The following CELSR1 variants were observed in gnomAD, a reference collection of about 807,000 sequenced individuals.
The protein encoded by CELSR1 is cadherin EGF LAG seven-pass G-type receptor 1, also known as adhesion G protein-coupled receptor C1.
CELSR1 carries 110 observed loss-of-function variants against 249.1 expected under a neutral mutation model. The observed-to-expected ratio is 0.44, with a 90% confidence interval of 0.38 to 0.52. The LOEUF (loss-of-function observed/expected upper bound fraction) is 0.52, where lower values mean the gene tolerates loss of function less well. Among genes scored for constraint, CELSR1 ranks in the 20% least tolerant of loss-of-function variants. The pLI, the probability that CELSR1 is intolerant of heterozygous loss-of-function variation, is 0.00. For missense variants in CELSR1, 4,109 were observed against 4,296.4 expected (o/e 0.96, Z 1.22); for synonymous variants, 2,113 against 1,900.0 (o/e 1.11, Z -2.92).
At chr22:46,507,125 G>A (rs1302181230) in intron 1 of CELSR1, among the ~76,000 whole-genome samples, 1 of 152,196 alleles carries the variant, frequency 6.6e-6, no homozygotes, top group African/African-American at 2.4e-5. Context: ...GGCGGAGGTT[G>A]CAGTGAGCTG....
chr22:46,466,564 A>G (rs999770589), intron 1 of CELSR1, among the ~76,000 whole-genome samples: 4 of 152,200 alleles, frequency 2.6e-5, no homozygotes, highest in Non-Finnish European at 5.9e-5. Context: ...GACACCACAG[A>G]GCAGAGACCA....
At chr22:46,522,100 A>C (rs577904016) in intron 1 of CELSR1, among the ~76,000 whole-genome samples, 42 of 152,120 alleles carry the variant, frequency 2.8e-4, no homozygotes, top group Admixed American at 2.7e-3. Flanking sequence ...GTGTCAGTCA[A>C]CTCACTGGCA....
rs374931797 is a variant in CELSR1 at position 46,459,932 on chromosome 22, C to A, written c.4183+3775G>T. Among the ~76,000 whole-genome samples, 60 of 152,290 alleles carry A rather than the reference C, an allele frequency of 3.9e-4. No individual in the cohort carries two copies. In the South Asian group the frequency reaches 7.5e-3, roughly 19 times the overall value. On this transcript the variant is annotated intron_variant, in intron 2 of 34. Transcript: ENST00000674500. ...AAACATTAGCTACAATCCGGCCAGGCGTAGTGGCTCACGCCTGTAAACCCA... is the reference window on the plus strand; with the variant it reads ...AAACATTAGCTACAATCCGGCCAGGAGTAGTGGCTCACGCCTGTAAACCCA...
At position 46,488,746 on chromosome 22, in the gene CELSR1, A is replaced by G. The variant is rs1054363073; in HGVS notation, c.3545-24401T>C. On this transcript the variant is annotated intron_variant, in intron 1 of 34. Transcript: ENST00000674500. The surrounding 1 kb of genome is among the most constrained non-coding windows in gnomAD (Gnocchi z 4.7). ...GTGATCTCGGCTCACTGCAAGCTCC[A>G]CCTCCCAGGTTCATGCCATTCTCCT... is the stretch of plus-strand genomic sequence containing the variant. Among the ~76,000 whole-genome samples the G allele has an allele frequency of 1.4e-5, 2 of 147,970 alleles. No individual in the cohort carries two copies. Among genetic ancestry groups the G allele is most frequent in the Non-Finnish European group, 3.0e-5 (2 of 67,196 alleles).
Position 46,361,180 on chromosome 22 carries a change from T to C in CELSR1, c.*2043A>G, listed in dbSNP as rs557982194. ...AAAACCAGCACCGCAGAAGTACAAA[T>C]TCAAAAATCTTAATTTATTGTAGAC... On this transcript the variant is annotated 3_prime_UTR_variant, in exon 35 of 35. Coordinates refer to ENST00000674500, the MANE Select transcript of CELSR1 (RefSeq NM_001378328.1). 2 of 152,658 alleles carry C rather than the reference T, an allele frequency of 1.3e-5. No homozygotes were observed. Among genetic ancestry groups the C allele is most frequent in the South Asian group, 4.1e-4 (2 of 4,834 alleles). The allele number at this position is 152,658 out of a possible 1,614,324, so 9.5% of individuals were successfully genotyped here. A position where few individuals can be genotyped will look rare whatever the true frequency, so the allele number is the denominator to read the frequency against.
In CELSR1 at chr22:46,386,579, T is replaced by C. The variant is rs1402034200; in HGVS notation, c.6562A>G (p.Ile2188Val). ...GCCAGGAGGGCGCTGCCCGAGTGGA[T>C]GACGTCCTGGTCAGACAGACAGCAC... ...TQDADFHEDV[I>V]HSGSALLAPA... Residue 2188 changes from isoleucine (I) to valine (V), a missense_variant, in exon 19 of 35, where the codon ATC becomes GTC. This residue lies in a region of CELSR1 where 1,805 missense variants were observed against 1,831.6 expected (regional missense o/e 0.99). Coordinates refer to ENST00000674500, the MANE Select transcript of CELSR1 (RefSeq NM_001378328.1). The C allele has an allele frequency of 1.3e-6, 2 of 1,592,340 alleles. No homozygotes were observed. The highest frequency in any genetic ancestry group is 1.1e-5 in the South Asian group (1 of 88,862).
intron 2 of CELSR1, among the ~76,000 whole-genome samples, chr22:46,452,114 T>C (rs1236081849): frequency 6.6e-6 from 1 of 152,084 alleles, no homozygotes; most frequent in Non-Finnish European, 1.5e-5. Flanking sequence ...GGCATGTCTG[T>C]TATTTTCAGC....
At position 46,466,552 on chromosome 22, in the gene CELSR1, C is replaced by T. The variant is rs1043947709; in HGVS notation, c.3545-2207G>A. 7.9e-5 allele frequency among the ~76,000 whole-genome samples: 12 copies of T among 152,184 alleles called. No individual in the cohort carries two copies. The South Asian group carries it at 1.9e-3, about 24-fold the overall frequency. ...GACTCAAGCCACCCCAGGGAGGACCCGGACACCACAGAGCAGAGACCAGCC... is the reference window on the plus strand; with the variant it reads ...GACTCAAGCCACCCCAGGGAGGACCTGGACACCACAGAGCAGAGACCAGCC... On this transcript the variant is annotated intron_variant, in intron 1 of 34. Transcript: ENST00000674500.
At chr22:46,513,364 G>C (rs1358424523) in intron 1 of CELSR1, among the ~76,000 whole-genome samples, 2 of 152,062 alleles carry the variant, frequency 1.3e-5, no homozygotes, top group African/African-American at 2.4e-5. Flanking sequence ...TCCCCACGTG[G>C]GGTCCTGAGT....
chr22:46,532,152 C>A (rs1337663117), intron 1 of CELSR1, among the ~76,000 whole-genome samples: 1 of 152,242 alleles, frequency 6.6e-6, no homozygotes, highest in Non-Finnish European at 1.5e-5. Context: ...CAGCATGGAT[C>A]TGTTCCCACT....
At chr22:46,369,919 G>A (rs752920977) in intron 25 of CELSR1, 115 bp from the exon 26 acceptor site, 17 of 878,740 alleles carry the variant, frequency 1.9e-5, no homozygotes, top group Non-Finnish European at 2.8e-5. Context: ...CCTTCTCAGA[G>A]GAAGGAGCAA....
At chr22:46,469,593 G>A (rs559204500) in intron 1 of CELSR1, among the ~76,000 whole-genome samples, 91 of 152,132 alleles carry the variant, frequency 6.0e-4, no homozygotes, top group African/African-American at 1.8e-3. Context: ...TCAGCTCACC[G>A]CAACCTCCAC....
chr22:46,389,236 G>A, intron 18 of CELSR1, 54 bp downstream of exon 18: 2 of 1,579,046 alleles, frequency 1.3e-6, no homozygotes, highest in Non-Finnish European at 8.6e-7. Flanking sequence ...CCCACCCACG[G>A]GCATCCGAGT....
intron 1 of CELSR1, among the ~76,000 whole-genome samples, chr22:46,470,551 G>C (rs1257671449): frequency 6.6e-6 from 1 of 152,138 alleles, no homozygotes; most frequent in Non-Finnish European, 1.5e-5. Context: ...ACTGTGAAGT[G>C]TGCTACAGAA....
rs62227005 is a variant in CELSR1 at position 46,434,030 on chromosome 22, T to C, written c.4523-549A>G. On this transcript the variant is annotated intron_variant, in intron 4 of 34. Coordinates refer to ENST00000674500, the MANE Select transcript of CELSR1 (RefSeq NM_001378328.1). The surrounding 1 kb of genome is among the most constrained non-coding windows in gnomAD (Gnocchi z 4.9). ...AAAATATAAACACGGAAAACCCATCTGTCTGTACCAGCAGCAGTCACACCT... is the reference window on the plus strand; with the variant it reads ...AAAATATAAACACGGAAAACCCATCCGTCTGTACCAGCAGCAGTCACACCT... Among the ~76,000 whole-genome samples, 4,195 of 152,324 alleles carry C rather than the reference T, an allele frequency of 0.028. 91 individuals carry two copies. The highest frequency in any genetic ancestry group is 0.055 in the African/African-American group (2,283 of 41,568).
At chr22:46,439,529 C>T in intron 2 of CELSR1, 118 bp from the exon 3 acceptor site, 1 of 778,544 alleles carries the variant, frequency 1.3e-6, no homozygotes, top group Non-Finnish European at 2.1e-6. Flanking sequence ...TGAAAGAAAA[C>T]CCGACTGACT....
At chr22:46,487,908 GCTGTCCAGCTGATGA>G (rs2080331192) in intron 1 of CELSR1, among the ~76,000 whole-genome samples, 3 of 133,026 alleles carry the variant, frequency 2.3e-5, no homozygotes, top group Non-Finnish European at 3.3e-5. Context: ...ATATGGGAGG[GCTGTCCAGCTGATGA>G]GGGTGTGGGG....
At chr22:46,498,249 CA>C (rs201495106) in intron 1 of CELSR1, among the ~76,000 whole-genome samples, 4 of 57,820 alleles carry the variant, frequency 6.9e-5, no homozygotes, top group African/African-American at 1.2e-4. Flanking sequence ...AACTCTGTCT[CA>C]AAAAAAAAAA....
At position 46,412,565 on chromosome 22, in the gene CELSR1, G is replaced by A. The variant is rs1331008868; in HGVS notation, c.4612-806C>T. ...GAGTTCTTCTGGAATCAGTGACCTT[G>A]GGTGAAACCTTTCCCTTCTCCAAGA... is the stretch of plus-strand genomic sequence containing the variant. On this transcript the variant is annotated intron_variant, in intron 5 of 34. Transcript: ENST00000674500. This position sits in a 1 kb window ranked among gnomAD's most constrained non-coding sequence, Gnocchi z 4.5. 2.0e-5 allele frequency among the ~76,000 whole-genome samples: 3 copies of A among 152,152 alleles called. No homozygotes were observed. Among genetic ancestry groups the A allele is most frequent in the African/African-American group, 7.2e-5 (3 of 41,414 alleles).
Sources: allele counts gnomAD v4.1 joint callset (sites outside exome capture counted in the v4.1 genomes callset), GRCh38; gene constraint gnomAD v4.1.1; regional missense constraint gnomAD v4.1.1; non-coding constraint Gnocchi (gnomAD v3.1); transcripts MANE v1.5; gene names NCBI Gene and HGNC (gene_info 2026-07-23, HGNC 2026-07-21).